Variants in DSCAM observed in about 807,000 individuals in gnomAD.
The protein encoded by DSCAM is cell adhesion molecule DSCAM.
Under a neutral mutation model 217.7 loss-of-function variants are expected in DSCAM, and 47 were observed. The ratio of observed to expected loss-of-function variants is 0.22; its 90% CI spans 0.17 to 0.28. The LOEUF (loss-of-function observed/expected upper bound fraction) is 0.28, where lower values mean the gene tolerates loss of function less well. DSCAM is among the 10% of genes least tolerant of loss of function. The probability of loss-of-function intolerance (pLI) is 1.00; values close to 1 mark genes in which losing one functional copy is unlikely to be tolerated. For missense variants in DSCAM, 2,080 were observed against 2,618.3 expected (o/e 0.79, Z 4.49); for synonymous variants, 1,056 against 1,015.3 (o/e 1.04, Z -0.76).
intron 17 of DSCAM, among the ~76,000 whole-genome samples, chr21:40,143,801 C>G (rs12152078): frequency 3.9e-5 from 6 of 151,946 alleles, no homozygotes; most frequent in South Asian, 2.1e-4. Context: ...AAAAAAAAAT[C>G]TATGATCAAA....
rs532520719 is a variant in DSCAM at position 40,679,195 on chromosome 21, C to T, written c.508+13615G>A. On this transcript the variant is annotated intron_variant, in intron 3 of 32. Transcript: ENST00000400454. ...AGAAAAGCAAAAGCTCTTATTAAAG[C>T]ATTAAGAAGAATTTAAAAGGAAATA... Among the ~76,000 whole-genome samples the T allele has an allele frequency of 3.3e-5, 5 of 152,192 alleles. No individual in the cohort carries two copies. The East Asian group carries it at 9.7e-4, about 29-fold the overall frequency.
chr21:40,533,659 A>T (rs1197851431), intron 3 of DSCAM, among the ~76,000 whole-genome samples: 2 of 148,550 alleles, frequency 1.3e-5, no homozygotes, highest in Admixed American at 1.3e-4. Flanking sequence ...CCATCCATCC[A>T]TCCATTCATC....
At chr21:40,198,232 T>C (rs2091035858) in intron 11 of DSCAM, among the ~76,000 whole-genome samples, 1 of 152,220 alleles carries the variant, frequency 6.6e-6, no homozygotes, top group South Asian at 2.1e-4. Flanking sequence ...AAAGGTGCCA[T>C]TAAAGTTCTA....
intron 32 of DSCAM, 69 bp downstream of exon 32, chr21:40,042,302 G>A: frequency 6.5e-7 from 1 of 1,535,736 alleles, no homozygotes; most frequent in Non-Finnish European, 8.8e-7. Flanking sequence ...GGCTTTCACA[G>A]CAGATGAGGG....
intron 3 of DSCAM, among the ~76,000 whole-genome samples, chr21:40,565,314 G>T (rs2076756555): frequency 6.6e-6 from 1 of 152,218 alleles, no homozygotes; most frequent in Admixed American, 6.5e-5. Context: ...TACTCTTATA[G>T]AACAGAGAAG....
intron 2 of DSCAM, among the ~76,000 whole-genome samples, chr21:40,697,188 T>G (rs1181392950): frequency 6.6e-6 from 1 of 152,172 alleles, no homozygotes; most frequent in Non-Finnish European, 1.5e-5. Flanking sequence ...CTGGCTTAAT[T>G]CACTTAGCAT....
intron 27 of DSCAM, among the ~76,000 whole-genome samples, chr21:40,069,309 G>A (rs1040296434): frequency 3.9e-5 from 6 of 152,154 alleles, no homozygotes; most frequent in African/African-American, 1.4e-4. Context: ...GGTTGGATGA[G>A]GAGGCTCCCA....
At chr21:40,549,259 C>T (rs188282956) in intron 3 of DSCAM, among the ~76,000 whole-genome samples, 47 of 152,300 alleles carry the variant, frequency 3.1e-4, no homozygotes, top group Non-Finnish European at 5.1e-4. Flanking sequence ...ATTAAAGATA[C>T]ATACATTTAA....
intron 3 of DSCAM, among the ~76,000 whole-genome samples, chr21:40,621,611 G>A (rs1468808438): frequency 2.0e-5 from 3 of 151,818 alleles, no homozygotes; most frequent in South Asian, 4.2e-4. Context: ...GAAGAGTGCT[G>A]TTTGCCAAAG....
chr21:40,627,072 G>C (rs1196677940), intron 3 of DSCAM, among the ~76,000 whole-genome samples: 4 of 152,198 alleles, frequency 2.6e-5, no homozygotes, highest in Non-Finnish European at 4.4e-5. Flanking sequence ...TTCTGACTGA[G>C]AGATACACCG....
rs368606948 is a variant in DSCAM at position 40,523,940 on chromosome 21, G to A, written c.509-154695C>T. ...TTGAGCAGTGAGGCACCGAAAACAC[G>A]AGCCACACCCCCATCACACACCCTG... On this transcript the variant is annotated intron_variant, in intron 3 of 32. Coordinates refer to ENST00000400454, the MANE Select transcript of DSCAM (RefSeq NM_001389.5). 4.6e-4 allele frequency among the ~76,000 whole-genome samples: 70 copies of A among 152,138 alleles called. 1 individual carries two copies. In the South Asian group the frequency reaches 0.014, roughly 31 times the overall value.
rs1453831245 is a variant in DSCAM at position 40,620,333 on chromosome 21, AAAAG to A, written c.508+72473_508+72476del. ...GAGAGAGAAAGAGAGAGAAAAAAGAAAAAGAAAGAAAGAGAAAGAGAGAGAAAAA... is the reference window on the plus strand; with the variant it reads ...GAGAGAGAAAGAGAGAGAAAAAAGAAAAAGAAAGAGAAAGAGAGAGAAAAA... On this transcript the variant is annotated intron_variant, in intron 3 of 32. Coordinates refer to ENST00000400454, the MANE Select transcript of DSCAM (RefSeq NM_001389.5). Among the ~76,000 whole-genome samples the A allele has an allele frequency of 4.6e-4, 67 of 146,098 alleles. 4 individuals carry two copies. The highest frequency in any genetic ancestry group is 8.8e-4 in the African/African-American group (34 of 38,846).
intron 32 of DSCAM, among the ~76,000 whole-genome samples, chr21:40,020,874 C>T (rs1029241509): frequency 7.2e-5 from 11 of 152,162 alleles, no homozygotes; most frequent in African/African-American, 2.4e-4. Context: ...GGTGGATTTG[C>T]ACACCATGAA....
intron 3 of DSCAM, among the ~76,000 whole-genome samples, chr21:40,645,314 A>C (rs969343671): frequency 2.0e-5 from 3 of 152,240 alleles, no homozygotes; most frequent in Non-Finnish European, 4.4e-5. Flanking sequence ...AACCACAGAG[A>C]TGCAATAACT....
intron 32 of DSCAM, among the ~76,000 whole-genome samples, chr21:40,039,162 T>C (rs940761043): frequency 6.9e-6 from 1 of 144,976 alleles, no homozygotes; most frequent in African/African-American, 2.5e-5. Context: ...AAACTTAAAG[T>C]ATAATAATAA....
At chr21:40,459,010 C>T (rs763340257) in intron 3 of DSCAM, among the ~76,000 whole-genome samples, 5 of 151,580 alleles carry the variant, frequency 3.3e-5, no homozygotes, top group Non-Finnish European at 7.4e-5. Flanking sequence ...TGTACACATA[C>T]GTATATAAAT....
Position 40,637,854 on chromosome 21 carries a change from C to A in DSCAM, c.508+54956G>T, listed in dbSNP as rs150023971. ...CGCCTGGCTAATTTTTGTAGTTTTA[C>A]AAAAAACCCCGTAGAGATGGGGTTT... is the stretch of plus-strand genomic sequence containing the variant. On this transcript the variant is annotated intron_variant, in intron 3 of 32. Coordinates refer to ENST00000400454, the MANE Select transcript of DSCAM (RefSeq NM_001389.5). 6.1e-3 allele frequency among the ~76,000 whole-genome samples: 911 copies of A among 150,444 alleles called. 14 individuals are homozygous for A. Among genetic ancestry groups the A allele is most frequent in the African/African-American group, 0.021 (859 of 40,878 alleles).
intron 3 of DSCAM, among the ~76,000 whole-genome samples, chr21:40,688,708 C>T (rs1409188250): frequency 6.6e-6 from 1 of 152,214 alleles, no homozygotes; most frequent in Non-Finnish European, 1.5e-5. Context: ...ACCCCACCCC[C>T]ATCCATCATA....
chr21:40,478,376 A>T (rs1841447294), intron 3 of DSCAM, among the ~76,000 whole-genome samples: 1 of 152,262 alleles, frequency 6.6e-6, no homozygotes, highest in African/African-American at 2.4e-5. Context: ...TCTTTTGGGG[A>T]CATAGCTGGG....
Sources: gnomAD v4.1 joint callset for allele counts (sites outside exome capture counted in the v4.1 genomes callset) on GRCh38, gnomAD v4.1.1 for gene constraint, MANE v1.5 for transcripts, NCBI Gene and HGNC (gene_info 2026-07-23, HGNC 2026-07-21) for gene names.